Variants in AGFG1 observed in about 807,000 individuals in gnomAD.
AGFG1 encodes ArfGAP with FG repeats 1, also known as arf-GAP domain and FG repeat-containing protein 1.
Under a neutral mutation model 60.6 loss-of-function variants are expected in AGFG1, and 10 were observed. The observed-to-expected ratio is 0.16, with a 90% CI of 0.10 to 0.28. AGFG1 has a LOEUF of 0.28. Among genes scored for constraint, AGFG1 ranks in the 10% least tolerant of loss-of-function variants. AGFG1 has a pLI of 1.00. For missense variants in AGFG1, 537 were observed against 676.5 expected, an observed-to-expected ratio of 0.79 and a Z score of 2.29; for synonymous variants, 247 against 242.9, an observed-to-expected ratio of 1.02 and a Z score of -0.16.
At chr2:227,477,060 C>T (rs2106150672) in intron 1 of AGFG1, among the ~76,000 whole-genome samples, 1 of 152,056 alleles carries the variant, frequency 6.6e-6, no homozygotes, top group East Asian at 1.9e-4. Context: ...CGCCACCATG[C>T]CCGGCTAGTT....
At chr2:227,529,726 C>A (rs947649759) in intron 5 of AGFG1, among the ~76,000 whole-genome samples, 1 of 152,044 alleles carries the variant, frequency 6.6e-6, no homozygotes, top group African/African-American at 2.4e-5. Flanking sequence ...TTGTCACATT[C>A]TATACTGTAG....
At chr2:227,541,094 GC>G (rs1389620733) in intron 10 of AGFG1, among the ~76,000 whole-genome samples, 1 of 151,968 alleles carries the variant, frequency 6.6e-6, no homozygotes, top group Non-Finnish European at 1.5e-5. Flanking sequence ...CTGGATATTA[GC>G]CCTTTGTCAG....
intron 10 of AGFG1, among the ~76,000 whole-genome samples, chr2:227,545,789 C>T (rs373553456): frequency 5.3e-4 from 80 of 152,328 alleles, no homozygotes; most frequent in African/African-American, 1.3e-3. Context: ...GTATCACCAG[C>T]GGAGGCTGCA....
chr2:227,483,790 G>C (rs773699269), intron 1 of AGFG1, among the ~76,000 whole-genome samples: 4 of 152,152 alleles, frequency 2.6e-5, no homozygotes, highest in African/African-American at 9.7e-5. Flanking sequence ...TTGGGTGAAC[G>C]TAAGTTTTCA....
intron 10 of AGFG1, among the ~76,000 whole-genome samples, chr2:227,539,875 A>T (rs1212273988): frequency 1.3e-5 from 2 of 151,878 alleles, no homozygotes; most frequent in Non-Finnish European, 2.9e-5. Context: ...TCACTCTGTC[A>T]CCCAGACTGG....
chr2:227,521,863 AT>A (rs1292763059), intron 3 of AGFG1, among the ~76,000 whole-genome samples: 8 of 152,098 alleles, frequency 5.3e-5, no homozygotes, highest in African/African-American at 1.4e-4. Context: ...AGTTTATGTT[AT>A]TTTTTTTCTT....
At chr2:227,504,187 A>G (rs377154197) in intron 2 of AGFG1, among the ~76,000 whole-genome samples, 7 of 148,324 alleles carry the variant, frequency 4.7e-5, no homozygotes, top group East Asian at 3.9e-4. Flanking sequence ...ACTTGGTGTA[A>G]ATTTTTTTTT....
At chr2:227,516,677 A>G (rs1251703451) in intron 2 of AGFG1, among the ~76,000 whole-genome samples, 1 of 152,252 alleles carries the variant, frequency 6.6e-6, no homozygotes, top group Non-Finnish European at 1.5e-5. Flanking sequence ...GCTTTGCGTT[A>G]CGAGTGCCAA....
rs746280113 is a variant in AGFG1, at chr2:227,524,913, C to G, written c.692C>G (p.Ala231Gly). Residue 231 changes from alanine (A) to glycine (G), a missense_variant and splice_region_variant, in exon 5 of 13, where the codon GCA becomes GGA. Ala to Gly is a moderately conservative substitution (Grantham distance 60, BLOSUM62 0). Transcript: ENST00000310078. ...FANFAHFNSH[A>G]AQNSANADFA... ...AACTTTGCACATTTCAACAGTCATG[C>G]AGGTAAGTGTTTTTTCCCAACAGCT... 1 of 1,613,954 alleles carries G rather than the reference C, an allele frequency of 6.2e-7. No homozygotes were observed. The highest frequency in any genetic ancestry group is 1.7e-5 in the Admixed American group (1 of 60,016).
At chr2:227,474,187 G>A (rs965318869) in intron 1 of AGFG1, among the ~76,000 whole-genome samples, 2 of 152,188 alleles carry the variant, frequency 1.3e-5, no homozygotes, top group African/African-American at 4.8e-5. Context: ...CTAGAAAGTT[G>A]TTACTTACGT....
chr2:227,489,119 T>C (rs1408480029), intron 1 of AGFG1, among the ~76,000 whole-genome samples: 3 of 151,716 alleles, frequency 2.0e-5, no homozygotes, highest in African/African-American at 4.9e-5. Context: ...CCGGCCACTT[T>C]TGGAAATTTG....
intron 10 of AGFG1, among the ~76,000 whole-genome samples, chr2:227,548,007 A>G (rs1575116937): frequency 6.6e-6 from 1 of 152,264 alleles, no homozygotes; most frequent in Non-Finnish European, 1.5e-5. Context: ...CTTGATAATA[A>G]AAAGTGATGA....
chr2:227,483,696 T>C (rs1184443187), intron 1 of AGFG1, among the ~76,000 whole-genome samples: 1 of 152,210 alleles, frequency 6.6e-6, no homozygotes, highest in Non-Finnish European at 1.5e-5. Flanking sequence ...CCATTGCTTG[T>C]TTGTTTTTCC....
chr2:227,481,896 CT>C (rs1483536263), intron 1 of AGFG1, among the ~76,000 whole-genome samples: 1 of 128,172 alleles, frequency 7.8e-6, no homozygotes, highest in Non-Finnish European at 1.6e-5. Context: ...GAGACAGAGT[CT>C]CGCTGTTGCC....
chr2:227,472,209 T>A lies in AGFG1; in HGVS notation c.-213T>A, dbSNP rs1435856863. On this transcript the variant is annotated 5_prime_UTR_variant, in exon 1 of 13. Transcript: ENST00000310078. ...GCGGCGGCGGCGGTTGTCCCGGCTG[T>A]GCCGGTTGGTGTGGCCCGTCAGCCC... is the stretch of plus-strand genomic sequence containing the variant. The A allele has an allele frequency of 1.9e-5, 3 of 160,840 alleles. No homozygotes were observed. The highest frequency in any genetic ancestry group is 7.2e-5 in the African/African-American group (3 of 41,536). 10.0% of individuals were successfully genotyped at this position (160,840 alleles called of 1,614,324 possible).
chr2:227,496,285 C>G (rs995716267), intron 2 of AGFG1, among the ~76,000 whole-genome samples: 3 of 151,932 alleles, frequency 2.0e-5, no homozygotes, highest in Non-Finnish European at 2.9e-5. Context: ...ACACTTTTCC[C>G]TTGTTAACAT....
At chr2:227,526,610 T>G (rs1453661687) in intron 5 of AGFG1, among the ~76,000 whole-genome samples, 2 of 148,904 alleles carry the variant, frequency 1.3e-5, no homozygotes, top group Non-Finnish European at 3.0e-5. Context: ...TGGCACAATC[T>G]TGGCTTACCG....
At position 227,472,667 on chromosome 2, in the gene AGFG1, G is replaced by A. The variant is rs1690130041; in HGVS notation, c.167+79G>A. 4.1e-6 allele frequency: 6 copies of A among 1,451,492 alleles called. No individual in the cohort carries two copies. In the East Asian group the frequency reaches 1.8e-4, roughly 44 times the overall value. 89.9% of individuals were successfully genotyped at this position (1,451,492 alleles called of 1,614,324 possible). Reference sequence around the variant, plus strand: ...CGGGCGGCGGGACCGGGACCCTTCCGGGGCTGGGAAAGAGCCGGGTGCCGT... The same window carrying A: ...CGGGCGGCGGGACCGGGACCCTTCCAGGGCTGGGAAAGAGCCGGGTGCCGT... On this transcript the variant is annotated intron_variant, in intron 1 of 12. Coordinates refer to ENST00000310078, the MANE Select transcript of AGFG1 (RefSeq NM_004504.5).
intron 2 of AGFG1, among the ~76,000 whole-genome samples, chr2:227,511,386 T>C (rs915828805): frequency 6.6e-6 from 1 of 152,188 alleles, no homozygotes; most frequent in Non-Finnish European, 1.5e-5. Context: ...TTAGGCTTTA[T>C]GGGTGCCATA....
Sources: gnomAD v4.1 joint callset for allele counts (sites outside exome capture counted in the v4.1 genomes callset) on GRCh38, gnomAD v4.1.1 for gene constraint, MANE v1.5 for transcripts, NCBI Gene and HGNC (gene_info 2026-07-23, HGNC 2026-07-21) for gene names.